The following LINC00632 variants were observed in gnomAD, a reference collection of about 807,000 sequenced individuals.
LINC00632 encodes ALDOA related specific transcript.
chrX:140,773,496 C>T (rs1054590853), exon 4 of LINC00632, among the ~76,000 whole-genome samples: 2 of 112,333 alleles, frequency 1.8e-5, no homozygotes, highest in East Asian at 5.6e-4. Flanking sequence ...TGATTAAACC[C>T]ATGTTGCTTT....
chrX:140,776,895 C>A (rs1170723625), exon 5 of LINC00632, among the ~76,000 whole-genome samples: 1 of 111,064 alleles, frequency 9.0e-6, no homozygotes, highest in East Asian at 2.8e-4. Flanking sequence ...AACCCGAATG[C>A]CCATCAATGA....
intron 2 of LINC00632, chrX:140,713,395 G>A (rs1451629321): frequency 3.6e-6 from 1 of 280,533 alleles, no homozygotes; most frequent in Non-Finnish European, 6.9e-6. Flanking sequence ...GCATGACTGT[G>A]GGACGGGTTA....
chrX:140,761,888 G>A (rs1305228334), intron 3 of LINC00632, among the ~76,000 whole-genome samples: 1 of 111,433 alleles, frequency 9.0e-6, no homozygotes, highest in East Asian at 2.8e-4. Context: ...ATCATTCATA[G>A]AATAGAACTG....
intron 2 of LINC00632, among the ~76,000 whole-genome samples, chrX:140,726,566 A>T (rs1289757266): frequency 8.9e-6 from 1 of 111,856 alleles, no homozygotes; most frequent in African/African-American, 3.3e-5. Flanking sequence ...ATGGCCAGAC[A>T]CACCTTACAA....
intron 2 of LINC00632, chrX:140,711,773 G>A (rs2148374173): frequency 6.9e-6 from 1 of 145,373 alleles, no homozygotes; most frequent in African/African-American, 3.2e-5. Context: ...ACCATTTATG[G>A]TGGTGATTTT....
intron 3 of LINC00632, among the ~76,000 whole-genome samples, chrX:140,768,833 T>A (rs1931744358): frequency 1.9e-5 from 2 of 102,664 alleles, no homozygotes; most frequent in South Asian, 7.9e-4. Context: ...ATATATTATA[T>A]ATATATTTGT....
intron 2 of LINC00632, among the ~76,000 whole-genome samples, chrX:140,721,791 AACAT>A: frequency 9.0e-6 from 1 of 111,560 alleles, no homozygotes; most frequent in East Asian, 2.8e-4. Flanking sequence ...AATGTTAGAT[AACAT>A]ACAGAAAAAA....
At chrX:140,714,126 G>C (rs755320861) in intron 2 of LINC00632, 1 of 171,845 alleles carries the variant, frequency 5.8e-6, no homozygotes, top group South Asian at 1.2e-4. Context: ...CTAGAGCACA[G>C]GGACTCTTGC....
chrX:140,725,104 ACAC>A (rs1930919179), intron 2 of LINC00632, among the ~76,000 whole-genome samples: 1 of 109,843 alleles, frequency 9.1e-6, no homozygotes, highest in Non-Finnish European at 1.9e-5. Flanking sequence ...TGATACACAC[ACAC>A]ATTCCATATA....
intron 3 of LINC00632, among the ~76,000 whole-genome samples, chrX:140,763,740 G>C (rs1458767971): frequency 8.9e-6 from 1 of 111,825 alleles, no homozygotes; most frequent in Non-Finnish European, 1.9e-5. Flanking sequence ...TAAAACAACT[G>C]TATGGCATTA....
chrX:140,761,022 CTA>C (rs1447404795), intron 3 of LINC00632, among the ~76,000 whole-genome samples: 1 of 112,467 alleles, frequency 8.9e-6, no homozygotes. Context: ...GAAAGTGTGA[CTA>C]TCTGCAAGTA....
chrX:140,740,273 T>C (rs1931205252), intron 3 of LINC00632, among the ~76,000 whole-genome samples: 1 of 112,045 alleles, frequency 8.9e-6, no homozygotes, highest in African/African-American at 3.2e-5. Context: ...GTTCTCCTCG[T>C]CAAGGCTTAG....
rs768968185 is a variant in LINC00632 at position 140,756,888 on chromosome X, G to T, written n.192-15190G>T. Among the ~76,000 whole-genome samples the T allele has an allele frequency of 4.5e-5, 5 of 110,880 alleles. No individual in the cohort carries two copies. The South Asian group carries it at 1.1e-3, about 25-fold the overall frequency. Reference sequence around the variant, plus strand: ...AGTGTTTAGTGTTTTTAAACTGATTGTGTATACCCTATTACATAAGTACTT... The same window carrying T: ...AGTGTTTAGTGTTTTTAAACTGATTTTGTATACCCTATTACATAAGTACTT... On this transcript the variant is annotated intron_variant and non_coding_transcript_variant, in intron 3 of 4. Coordinates refer to ENST00000648200, the Ensembl canonical transcript of LINC00632.
At chrX:140,716,747 C>T (rs777540913) in intron 2 of LINC00632, among the ~76,000 whole-genome samples, 17 of 106,075 alleles carry the variant, frequency 1.6e-4, no homozygotes, top group Non-Finnish European at 2.7e-4. Context: ...GTGTTGTACC[C>T]AACCTCACCC....
At chrX:140,767,153 A>T (rs1268163677) in intron 3 of LINC00632, among the ~76,000 whole-genome samples, 1 of 111,684 alleles carries the variant, frequency 9.0e-6, no homozygotes, top group Admixed American at 9.5e-5. Context: ...TGTGTCATCT[A>T]GAGCAAGATT....
At chrX:140,733,963 G>C (rs1368987476) in exon 3 of LINC00632, 1 of 112,301 alleles carries the variant, frequency 8.9e-6, no homozygotes, top group Non-Finnish European at 1.9e-5. Flanking sequence ...TGACCAAACT[G>C]AGTAAGTACC....
At chrX:140,740,545 G>T (rs1569351464) in intron 3 of LINC00632, among the ~76,000 whole-genome samples, 1 of 105,249 alleles carries the variant, frequency 9.5e-6, no homozygotes, top group Non-Finnish European at 2.0e-5. Context: ...CAAAGTGAAT[G>T]TTTTTTTTTT....
rs753892910 is a variant in LINC00632 at position 140,752,773 on chromosome X, T to C, written n.191+18809T>C. Among the ~76,000 whole-genome samples the C allele has an allele frequency of 2.1e-4, 24 of 111,771 alleles. 1 individual carries two copies. The highest frequency in any genetic ancestry group is 7.8e-4 in the African/African-American group (24 of 30,811). On this transcript the variant is annotated intron_variant and non_coding_transcript_variant, in intron 3 of 4. Transcript: ENST00000648200. ...CTGCCTGTCACTTGTCCTTCCCTCATCTGTGTGTCCTTTTCTCACATACAT... is the reference window on the plus strand; with the variant it reads ...CTGCCTGTCACTTGTCCTTCCCTCACCTGTGTGTCCTTTTCTCACATACAT...
intron 3 of LINC00632, among the ~76,000 whole-genome samples, chrX:140,767,015 T>C (rs1225264404): frequency 8.9e-6 from 1 of 111,978 alleles, no homozygotes; most frequent in African/African-American, 3.2e-5. Flanking sequence ...TCATACATCT[T>C]TTCTAAAGGT....
Sources: gnomAD v4.1 joint callset for allele counts (sites outside exome capture counted in the v4.1 genomes callset) on GRCh38, gnomAD v4.1.1 for gene constraint, MANE v1.5 for transcripts, NCBI Gene and HGNC (gene_info 2026-07-23, HGNC 2026-07-21) for gene names.